GRK3: variants seen among roughly 807,000 people sequenced by gnomAD.
The protein encoded by GRK3 is G protein-coupled receptor kinase 3, also known as adrenergic, beta, receptor kinase 2.
Under a neutral mutation model 95.7 loss-of-function variants are expected in GRK3, and 54 were observed. That is an observed-to-expected ratio of 0.56 (90% confidence interval 0.45 to 0.71). The LOEUF (loss-of-function observed/expected upper bound fraction) is 0.71, where lower values mean the gene tolerates loss of function less well. Among genes scored for constraint, GRK3 ranks in the 30% least tolerant of loss-of-function variants. GRK3 has a pLI of 0.00. For missense variants in GRK3, 649 were observed against 851.2 expected (o/e 0.76, Z 2.96); for synonymous variants, 281 against 290.8 (o/e 0.97, Z 0.34).
intron 3 of GRK3, chr22:25,647,532 A>G (rs912788873): frequency 4.8e-5 from 73 of 1,532,800 alleles, no homozygotes; most frequent in Non-Finnish European, 5.9e-5. Flanking sequence ...CTGGCTTAAC[A>G]CGTGGTGTTA....
intron 13 of GRK3, among the ~76,000 whole-genome samples, chr22:25,697,620 C>A (rs2085219915): frequency 6.6e-6 from 1 of 152,198 alleles, no homozygotes; most frequent in Admixed American, 6.5e-5. Flanking sequence ...TTGGCTCCAG[C>A]TGCTGGAAGG....
At chr22:25,596,670 G>A (rs2084374447) in intron 1 of GRK3, among the ~76,000 whole-genome samples, 2 of 152,138 alleles carry the variant, frequency 1.3e-5, no homozygotes, top group South Asian at 2.1e-4. Flanking sequence ...CAGAGTCTTA[G>A]CATGTCTTGT....
At chr22:25,612,849 T>TCC (rs1262507226) in intron 2 of GRK3, among the ~76,000 whole-genome samples, 2,305 of 128,230 alleles carry the variant, frequency 0.018, 27 homozygotes, top group Middle Eastern at 0.077. Flanking sequence ...CCTCTAAAAG[T>TCC]TAAAAAAAAA....
chr22:25,602,850 A>G (rs971945224), intron 1 of GRK3, among the ~76,000 whole-genome samples: 15 of 152,198 alleles, frequency 9.9e-5, no homozygotes, highest in Non-Finnish European at 2.1e-4. Flanking sequence ...GGCAATGGAA[A>G]TATCCTGTAT....
intron 15 of GRK3, among the ~76,000 whole-genome samples, chr22:25,709,149 T>C (rs1289053234): frequency 6.6e-6 from 1 of 152,148 alleles, no homozygotes; most frequent in East Asian, 1.9e-4. Flanking sequence ...GCCGTTCTCC[T>C]GCTTCAGCCT....
chr22:25,570,239 G>T (rs1026334532), intron 1 of GRK3, among the ~76,000 whole-genome samples: 2 of 152,170 alleles, frequency 1.3e-5, no homozygotes, highest in African/African-American at 4.8e-5. Flanking sequence ...AAGGTGAAAT[G>T]CCTATTCTGT....
intron 13 of GRK3, among the ~76,000 whole-genome samples, chr22:25,703,247 C>T (rs990363885): frequency 7.2e-5 from 11 of 152,214 alleles, no homozygotes; most frequent in African/African-American, 2.2e-4. Context: ...AATGATGTTT[C>T]CATTGGAACA....
At chr22:25,659,082 G>A (rs1238888072) in intron 3 of GRK3, among the ~76,000 whole-genome samples, 1 of 152,028 alleles carries the variant, frequency 6.6e-6, no homozygotes, top group African/African-American at 2.4e-5. Context: ...TTTACCTAGG[G>A]AGAACTTAGC....
chr22:25,625,118 G>A (rs566410360), intron 2 of GRK3, among the ~76,000 whole-genome samples: 13 of 152,114 alleles, frequency 8.5e-5, no homozygotes, highest in South Asian at 6.2e-4. Flanking sequence ...GGGTTTCACC[G>A]TGTTAGCTGT....
intron 3 of GRK3, among the ~76,000 whole-genome samples, chr22:25,654,234 T>C (rs1007711668): frequency 4.6e-5 from 7 of 152,310 alleles, no homozygotes; most frequent in African/African-American, 1.7e-4. Flanking sequence ...AATGAAAATA[T>C]ATTTAAGAAA....
chr22:25,615,644 C>T (rs979396675), intron 2 of GRK3, among the ~76,000 whole-genome samples: 3 of 143,470 alleles, frequency 2.1e-5, no homozygotes, highest in Non-Finnish European at 4.5e-5. Flanking sequence ...CTCCTAAGCA[C>T]TGGGGAATCC....
chr22:25,614,714 A>G (rs2084525066), intron 2 of GRK3, among the ~76,000 whole-genome samples: 1 of 152,246 alleles, frequency 6.6e-6, no homozygotes, highest in Non-Finnish European at 1.5e-5. Flanking sequence ...TTCTTTAAAA[A>G]AATGACATAT....
At chr22:25,636,914 C>T (rs1408442089) in intron 2 of GRK3, among the ~76,000 whole-genome samples, 1 of 152,094 alleles carries the variant, frequency 6.6e-6, no homozygotes, top group Non-Finnish European at 1.5e-5. Flanking sequence ...AATGTGATAC[C>T]CAGATAGCTG....
chr22:25,573,250 A>G (rs1931769502), intron 1 of GRK3, among the ~76,000 whole-genome samples: 1 of 152,262 alleles, frequency 6.6e-6, no homozygotes. Flanking sequence ...GAATATCAAA[A>G]TTTATGAAGA....
chr22:25,620,006 T>TC (rs1555918885), intron 2 of GRK3, among the ~76,000 whole-genome samples: 1 of 90,322 alleles, frequency 1.1e-5, no homozygotes, highest in East Asian at 3.0e-4. Flanking sequence ...TTTGTCTTTT[T>TC]TGTGTGTGTG....
At chr22:25,700,530 G>A (rs190673502) in intron 13 of GRK3, among the ~76,000 whole-genome samples, 17 of 152,290 alleles carry the variant, frequency 1.1e-4, no homozygotes, top group Middle Eastern at 3.4e-3. Flanking sequence ...AAATATTTTG[G>A]CAACTACTGG....
chr22:25,584,472 G>A (rs1182888432), intron 1 of GRK3, among the ~76,000 whole-genome samples: 2 of 152,194 alleles, frequency 1.3e-5, no homozygotes, highest in African/African-American at 2.4e-5. Context: ...AAGTGTGTGA[G>A]TAGCGATGCT....
chr22:25,610,981 C>A (rs182669783), intron 2 of GRK3, among the ~76,000 whole-genome samples: 308 of 152,244 alleles, frequency 2.0e-3, no homozygotes, highest in African/African-American at 7.0e-3. Flanking sequence ...CGTGCCTCAG[C>A]CTCCTGAGTA....
intron 11 of GRK3, 88 bp downstream of exon 11, chr22:25,687,755 C>A: frequency 6.9e-7 from 1 of 1,440,802 alleles, no homozygotes; most frequent in Non-Finnish European, 9.6e-7. Flanking sequence ...AGAGTCCTGT[C>A]ATTTTCCTCA....
Sources: allele counts gnomAD v4.1 joint callset (sites outside exome capture counted in the v4.1 genomes callset), GRCh38; gene constraint gnomAD v4.1.1; transcripts MANE v1.5; gene names NCBI Gene and HGNC (gene_info 2026-07-23, HGNC 2026-07-21).